Variants in BORCS5 observed in about 807,000 individuals in gnomAD.
BORCS5 encodes the protein BLOC-1-related complex subunit 5.
In BORCS5, 17 loss-of-function variants were observed where a neutral mutation model predicts 22.1. That is an observed-to-expected ratio of 0.77 (90% CI 0.53 to 1.15). The LOEUF (loss-of-function observed/expected upper bound fraction) is 1.15. Ranked by LOEUF, BORCS5 falls within the 50% of genes most tolerant of loss-of-function variation. The pLI is 0.00. For synonymous variants in BORCS5, 117 were observed against 99.8 expected (o/e 1.17, Z -1.03); for missense variants, 247 against 253.2 (o/e 0.98, Z 0.17).
chr12:12,379,559 AG>A lies in BORCS5; in HGVS notation c.202+18211del, dbSNP rs943386123. ...ACTGAGAGGTCGGATGTCAACAGAA[AG>A]AATTTAGAATCTCCTACCCGACAGA... is the stretch of plus-strand genomic sequence containing the variant. On this transcript the variant is annotated intron_variant, in intron 2 of 3. Transcript: ENST00000314565. Among the ~76,000 whole-genome samples the A allele has an allele frequency of 6.6e-5, 10 of 151,592 alleles. 1 individual carries two copies. Among genetic ancestry groups the A allele is most frequent in the African/African-American group, 2.4e-4 (10 of 41,254 alleles).
Position 12,386,527 on chromosome 12 carries a change from A to G in BORCS5, c.202+25178A>G, listed in dbSNP as rs764482808. Among the ~76,000 whole-genome samples, 9 of 147,046 alleles carry G rather than the reference A, an allele frequency of 6.1e-5. 2 individuals are homozygous for G. The South Asian group carries it at 6.4e-4, about 10-fold the overall frequency. ...AGTCTTGCTTTTTCTCCCAGGCTCT[A>G]GTGCAGTGTTATGATCTTGGCTCAC... On this transcript the variant is annotated intron_variant, in intron 2 of 3. Coordinates refer to ENST00000314565, the MANE Select transcript of BORCS5 (RefSeq NM_058169.6).
At chr12:12,395,406 A>G (rs1016455195) in intron 2 of BORCS5, among the ~76,000 whole-genome samples, 1 of 150,616 alleles carries the variant, frequency 6.6e-6, no homozygotes, top group Non-Finnish European at 1.5e-5. Flanking sequence ...GTAGCTGGGA[A>G]TACAGGTGCG....
chr12:12,406,727 G>T (rs1356823744), intron 2 of BORCS5, among the ~76,000 whole-genome samples: 2 of 151,570 alleles, frequency 1.3e-5, no homozygotes. Flanking sequence ...ATCAGTCTTG[G>T]TGCGCCTTGC....
At chr12:12,451,032 A>T (rs1237908926) in intron 3 of BORCS5, among the ~76,000 whole-genome samples, 1 of 152,230 alleles carries the variant, frequency 6.6e-6, no homozygotes, top group East Asian at 1.9e-4. Context: ...TTACCAAAAG[A>T]AATAGTCCTC....
chr12:12,384,289 T>A (rs1404292472), intron 2 of BORCS5, among the ~76,000 whole-genome samples: 1 of 150,804 alleles, frequency 6.6e-6, no homozygotes, highest in East Asian at 1.9e-4. Context: ...GCCTGCTTTT[T>A]AAAATATATA....
rs902288674 is a variant in BORCS5 at position 12,357,185 on chromosome 12, T to C, written c.-267T>C. 2.6e-6 allele frequency: 4 copies of C among 1,517,464 alleles called. No homozygotes were observed. Among genetic ancestry groups the C allele is most frequent in the Admixed American group, 2.1e-5 (1 of 47,004 alleles). The allele number at this position is 1,517,464 out of a possible 1,614,324, so 94.0% of individuals were successfully genotyped here. A position where few individuals can be genotyped will look rare whatever the true frequency, so the allele number is the denominator to read the frequency against. On this transcript the variant is annotated 5_prime_UTR_variant, in exon 1 of 4. Coordinates refer to ENST00000314565, the MANE Select transcript of BORCS5 (RefSeq NM_058169.6). The stretch of plus-strand genomic sequence containing the variant: ...AAGCCAGTGTCATCTGCCGGTTCTC[T>C]TAGGGCTCCCGGAAAGAAGGAGGGC...
intron 3 of BORCS5, among the ~76,000 whole-genome samples, chr12:12,462,967 G>A (rs926468655): frequency 2.0e-5 from 3 of 152,094 alleles, no homozygotes; most frequent in Non-Finnish European, 4.4e-5. Flanking sequence ...CTTTTGAATG[G>A]CTATGGGTGC....
rs1943292491 is a variant in BORCS5, at chr12:12,471,092, C to T, written c.*5316C>T. Among the ~76,000 whole-genome samples the T allele has an allele frequency of 6.6e-6, 1 of 152,192 alleles. No homozygotes were observed. The highest frequency in any genetic ancestry group is 6.5e-5 in the Admixed American group (1 of 15,282). The stretch of plus-strand genomic sequence containing the variant: ...TTGCCTGTCACATTGCTTCTACCGG[C>T]CACATCCTGCATTTCCTGTGGGACA... On this transcript the variant is annotated 3_prime_UTR_variant, in exon 4 of 4. Coordinates refer to ENST00000314565, the MANE Select transcript of BORCS5 (RefSeq NM_058169.6).
chr12:12,402,004 T>G (rs1235638278), intron 2 of BORCS5, among the ~76,000 whole-genome samples: 2 of 148,572 alleles, frequency 1.3e-5, no homozygotes, highest in Non-Finnish European at 3.0e-5. Flanking sequence ...AGGCGGAGCT[T>G]GCAGTGAGCC....
intron 2 of BORCS5, among the ~76,000 whole-genome samples, chr12:12,423,494 C>T (rs1049522044): frequency 8.4e-6 from 1 of 118,408 alleles, no homozygotes; most frequent in African/African-American, 3.2e-5. Flanking sequence ...ATTTCTCCCT[C>T]ATTTTTGAAG....
At chr12:12,427,157 C>A (rs1183614308) in intron 2 of BORCS5, among the ~76,000 whole-genome samples, 1 of 144,104 alleles carries the variant, frequency 6.9e-6, no homozygotes, top group Non-Finnish European at 1.5e-5. Flanking sequence ...TGGTTTTAGA[C>A]TTTCTCTTTC....
rs182472859 is a variant in BORCS5 at position 12,470,320 on chromosome 12, G to A, written c.*4544G>A. ...CCTGACCTCGTGATCTGCCCGACTT[G>A]GCCTCCCAAAGTACTGGGATTACAG... On this transcript the variant is annotated 3_prime_UTR_variant, in exon 4 of 4. Transcript: ENST00000314565. Among the ~76,000 whole-genome samples, 562 of 152,118 alleles carry A rather than the reference G, an allele frequency of 3.7e-3. 1 individual carries two copies. Among genetic ancestry groups the A allele is most frequent in the Admixed American group, 5.7e-3 (87 of 15,256 alleles).
At chr12:12,374,369 A>G (rs1377054228) in intron 2 of BORCS5, among the ~76,000 whole-genome samples, 1 of 151,806 alleles carries the variant, frequency 6.6e-6, no homozygotes, top group South Asian at 2.1e-4. Context: ...ACAGTGGCTC[A>G]TGCTTCTAAT....
intron 3 of BORCS5, among the ~76,000 whole-genome samples, chr12:12,448,977 T>C (rs1378012576): frequency 1.3e-5 from 2 of 152,248 alleles, no homozygotes; most frequent in African/African-American, 2.4e-5. Flanking sequence ...CTTTATAGGA[T>C]GCAACCACAC....
intron 2 of BORCS5, among the ~76,000 whole-genome samples, chr12:12,418,201 GT>G (rs75687170): frequency 5.5e-4 from 75 of 136,232 alleles, no homozygotes; most frequent in East Asian, 1.3e-3. Flanking sequence ...TTTTTTTTTT[GT>G]TTTTTTTTTT....
intron 2 of BORCS5, among the ~76,000 whole-genome samples, chr12:12,393,269 T>C (rs375549086): frequency 1.1e-4 from 16 of 151,890 alleles, no homozygotes; most frequent in African/African-American, 2.4e-4. Flanking sequence ...TTCTGGACAA[T>C]GACTTCTATC....
At chr12:12,404,184 A>T (rs1941543247) in intron 2 of BORCS5, among the ~76,000 whole-genome samples, 1 of 152,098 alleles carries the variant, frequency 6.6e-6, no homozygotes, top group South Asian at 2.1e-4. Context: ...TTAAATTCAG[A>T]ACTTTGCTTG....
At chr12:12,369,568 C>A (rs1459552520) in intron 2 of BORCS5, among the ~76,000 whole-genome samples, 2 of 151,684 alleles carry the variant, frequency 1.3e-5, no homozygotes, top group African/African-American at 2.4e-5. Context: ...AAGTTATACT[C>A]CTTTGCATTA....
At chr12:12,384,750 G>C (rs551074685) in intron 2 of BORCS5, among the ~76,000 whole-genome samples, 6 of 151,188 alleles carry the variant, frequency 4.0e-5, no homozygotes, top group African/African-American at 1.2e-4. Context: ...GATTTCTGTG[G>C]GTCAGGGATT....
Sources: allele counts gnomAD v4.1 joint callset (sites outside exome capture counted in the v4.1 genomes callset), GRCh38; gene constraint gnomAD v4.1.1; transcripts MANE v1.5; gene names NCBI Gene and HGNC (gene_info 2026-07-23, HGNC 2026-07-21).